NOM1: variants seen among roughly 807,000 people sequenced by gnomAD.
The protein encoded by NOM1 is nucleolar MIF4G domain-containing protein 1.
Under a neutral mutation model 73.3 loss-of-function variants are expected in NOM1, and 58 were observed. The observed-to-expected ratio is 0.79, with a 90% CI of 0.64 to 0.99. The LOEUF (loss-of-function observed/expected upper bound fraction) is 0.99, where lower values mean the gene tolerates loss of function less well. Among genes scored for constraint, NOM1 ranks in the 50% least tolerant of loss-of-function variants. The pLI is 0.00. For missense variants in NOM1, 1,226 were observed against 1,131.9 expected (o/e 1.08, Z -1.19); for synonymous variants, 487 against 446.8 (o/e 1.09, Z -1.14).
chr7:156,967,172 T>C (rs1462550959), intron 9 of NOM1, 80 bp downstream of exon 9: 6 of 1,484,724 alleles, frequency 4.0e-6, no homozygotes, highest in Non-Finnish European at 5.5e-6. Context: ...CAGGTCCTGT[T>C]TTACCAGCGT....
rs368646416 is a variant in NOM1, at chr7:156,973,103, A to C, written c.*3400A>C. 2.6e-5 allele frequency: 4 copies of C among 151,964 alleles called. No homozygotes were observed. Among genetic ancestry groups the C allele is most frequent in the Admixed American group, 6.5e-5 (1 of 15,268 alleles). 9.4% of individuals were successfully genotyped at this position (151,964 alleles called of 1,614,324 possible). On this transcript the variant is annotated 3_prime_UTR_variant, in exon 11 of 11. Transcript: ENST00000275820. ...TGACTAAACAGCTGTCTTTCAGGGTATCATTTTTAAAGGTATAAGGAACAA... is the reference window on the plus strand; with the variant it reads ...TGACTAAACAGCTGTCTTTCAGGGTCTCATTTTTAAAGGTATAAGGAACAA...
chr7:156,960,699 T>C (rs1804843085), intron 4 of NOM1, among the ~76,000 whole-genome samples: 1 of 152,170 alleles, frequency 6.6e-6, no homozygotes, highest in East Asian at 1.9e-4. Flanking sequence ...CCTTGTTAAT[T>C]ACTGCAGGGA....
chr7:156,961,720 C>G (rs1804867428), intron 4 of NOM1, among the ~76,000 whole-genome samples: 1 of 151,984 alleles, frequency 6.6e-6, no homozygotes, highest in South Asian at 2.1e-4. Context: ...GTTCTTGCAA[C>G]TTTTCTGTAT....
At chr7:156,969,397 G>A (rs1805084008) in intron 10 of NOM1, 132 bp from the exon 11 acceptor site, 2 of 825,784 alleles carry the variant, frequency 2.4e-6, no homozygotes, top group Non-Finnish European at 3.7e-6. Flanking sequence ...AATAAAATAT[G>A]TTAAGAAGTT....
chr7:156,950,520 G>A lies in NOM1; in HGVS notation c.783G>A (p.Glu261=). 2 of 1,614,082 alleles carry A rather than the reference G, an allele frequency of 1.2e-6. No homozygotes were observed. Among genetic ancestry groups the A allele is most frequent in the Non-Finnish European group, 1.7e-6 (2 of 1,179,968 alleles). The change falls in exon 1 of 11, where the codon GAG becomes GAA. Residue 261 remains glutamate, a synonymous_variant. Transcript: ENST00000275820. The stretch of plus-strand genomic sequence containing the variant: ...GTGACTCCCAGGACGAAAGTGAGGA[G>A]GAGGAGGAGGGAGACGTAGAAAAGG... ...LESDSQDESE[E]EEEGDVEKEK...
intron 1 of NOM1, 103 bp downstream of exon 1, chr7:156,950,827 A>G: frequency 9.7e-7 from 1 of 1,035,240 alleles, no homozygotes; most frequent in Non-Finnish European, 1.4e-6. Context: ...TGTCTTGATA[A>G]TGGTTTCAGC....
intron 7 of NOM1, 101 bp from the exon 8 acceptor site, chr7:156,966,169 A>G: frequency 6.6e-7 from 1 of 1,505,956 alleles, no homozygotes. Flanking sequence ...GCTCGCCTCT[A>G]ACCAGACCCT....
Position 156,949,966 on chromosome 7 carries a change from G to A in NOM1, c.229G>A (p.Gly77Arg). ...CGGCGCCCCGGTGAGCTTTCGCCCGGGAGGGAGAAAAAGCCGTAAGGAACT... is the reference window on the plus strand; with the variant it reads ...CGGCGCCCCGGTGAGCTTTCGCCCGAGAGGGAGAAAAAGCCGTAAGGAACT... ...GRGAPVSFRP[G>R]GRKSRKELRK... The change falls in exon 1 of 11, where the codon GGA (glycine) becomes AGA (arginine). Residue 77 changes from glycine (G) to arginine (R), a missense_variant. Physicochemically the swap from Gly to Arg is moderately radical, Grantham distance 125. Coordinates refer to ENST00000275820, the MANE Select transcript of NOM1 (RefSeq NM_138400.2). 1.3e-6 allele frequency: 2 copies of A among 1,541,024 alleles called. No homozygotes were observed. The highest frequency in any genetic ancestry group is 1.2e-5 in the South Asian group (1 of 84,052).
intron 6 of NOM1, chr7:156,963,657 C>T (rs1329658663): frequency 1.7e-5 from 7 of 410,844 alleles, no homozygotes; most frequent in East Asian, 4.1e-5. Context: ...TTTTATTCAT[C>T]GTCGCTTGCC....
At chr7:156,956,216 A>T (rs1833140) in intron 3 of NOM1, among the ~76,000 whole-genome samples, 78,714 of 150,280 alleles carry the variant, frequency 0.52, 20,840 homozygotes, top group Middle Eastern at 0.67. Flanking sequence ...AGATGCACGG[A>T]TTTGCCAAAA....
intron 3 of NOM1, among the ~76,000 whole-genome samples, chr7:156,956,192 C>CAAA (rs35181749): frequency 7.2e-6 from 1 of 139,522 alleles, no homozygotes; most frequent in Non-Finnish European, 1.6e-5. Flanking sequence ...GACTCAGTCT[C>CAAA]AAAAAAAAAA....
At chr7:156,965,884 A>T (rs1179590324) in intron 7 of NOM1, among the ~76,000 whole-genome samples, 2 of 150,802 alleles carry the variant, frequency 1.3e-5, no homozygotes, top group Non-Finnish European at 2.9e-5. Context: ...ACTGCACTCC[A>T]GCCTGGGTGA....
chr7:156,971,344 C>T lies in NOM1; in HGVS notation c.*1641C>T, dbSNP rs1343321728. On this transcript the variant is annotated 3_prime_UTR_variant, in exon 11 of 11. Transcript: ENST00000275820. ...AGATGGGCACAGGTGCTGGTGATGCCTCTCCTGGGCAAAACGCCCCATTTG... is the reference window on the plus strand; with the variant it reads ...AGATGGGCACAGGTGCTGGTGATGCTTCTCCTGGGCAAAACGCCCCATTTG... The T allele has an allele frequency of 6.6e-6, 1 of 152,258 alleles. No homozygotes were observed. The highest frequency in any genetic ancestry group is 2.4e-5 in the African/African-American group (1 of 41,450). The allele number at this position is 152,258 out of a possible 1,614,324, so 9.4% of individuals were successfully genotyped here.
Position 156,964,033 on chromosome 7 carries a change from A to G in NOM1, c.2033+7A>G, listed in dbSNP as rs748091585. 3 of 1,611,112 alleles carry G rather than the reference A, an allele frequency of 1.9e-6. No individual in the cohort carries two copies. Among genetic ancestry groups the G allele is most frequent in the Admixed American group, 3.4e-5 (2 of 59,268 alleles). On this transcript the variant is annotated splice_region_variant and intron_variant, in intron 7 of 10. Transcript: ENST00000275820. ...CTTTTGAAAAGCTTCTGAAGTAAGC[A>G]TTTGTGTGCACATTTTGACCTATTA...
At position 156,959,836 on chromosome 7, in the gene NOM1, G is replaced by A. The variant is rs779505638; in HGVS notation, c.1309-15G>A. Reference sequence around the variant, plus strand: ...CTAGGAATAACATAATCTTTTTTCTGTGTGGTTCTTTCAGGTCGGTGCCCA... The same window carrying A: ...CTAGGAATAACATAATCTTTTTTCTATGTGGTTCTTTCAGGTCGGTGCCCA... On this transcript the variant is annotated splice_polypyrimidine_tract_variant and intron_variant, in intron 3 of 10. Coordinates refer to ENST00000275820, the MANE Select transcript of NOM1 (RefSeq NM_138400.2). 2 of 1,609,834 alleles carry A rather than the reference G, an allele frequency of 1.2e-6. No individual in the cohort carries two copies. Among genetic ancestry groups the A allele is most frequent in the Non-Finnish European group, 1.7e-6 (2 of 1,177,930 alleles).
Position 156,971,807 on chromosome 7 carries a change from C to T in NOM1, c.*2104C>T, listed in dbSNP as rs1805146928. The stretch of plus-strand genomic sequence containing the variant: ...ACTGAAAGCAGCACAGAGACTGTGT[C>T]GTCCCTACAGACTTCTAACCCTGCA... On this transcript the variant is annotated 3_prime_UTR_variant, in exon 11 of 11. Coordinates refer to ENST00000275820, the MANE Select transcript of NOM1 (RefSeq NM_138400.2). The T allele has an allele frequency of 1.3e-5, 2 of 152,254 alleles. No homozygotes were observed. The highest frequency in any genetic ancestry group is 4.1e-4 in the South Asian group (2 of 4,832). The allele number at this position is 152,254 out of a possible 1,614,324, so 9.4% of individuals were successfully genotyped here. A position where few individuals can be genotyped will look rare whatever the true frequency, so the allele number is the denominator to read the frequency against.
Position 156,973,030 on chromosome 7 carries a change from G to A in NOM1, c.*3327G>A, listed in dbSNP as rs918908320. 6.6e-6 allele frequency: 1 copy of A among 152,174 alleles called. No homozygotes were observed. The highest frequency in any genetic ancestry group is 1.5e-5 in the Non-Finnish European group (1 of 68,026). The allele number at this position is 152,174 out of a possible 1,614,324, so 9.4% of individuals were successfully genotyped here. On this transcript the variant is annotated 3_prime_UTR_variant, in exon 11 of 11. Coordinates refer to ENST00000275820, the MANE Select transcript of NOM1 (RefSeq NM_138400.2). ...ATGCTTAGTGCTCAGTGTTATGTAT[G>A]AACTTGTGGACTTTACAATGCAGGT... is the stretch of plus-strand genomic sequence containing the variant.
chr7:156,952,660 G>A, intron 2 of NOM1, 62 bp downstream of exon 2: 1 of 1,548,682 alleles, frequency 6.5e-7, no homozygotes, highest in East Asian at 2.3e-5. Flanking sequence ...CTAAAATGTA[G>A]GAATTATCCC....
In NOM1 at chr7:156,950,212, A is replaced by G. The variant is rs1239263338; in HGVS notation, c.475A>G (p.Lys159Glu). ...GGCCAAGGCCACGGCCGCCACCGCA[A>G]AGACCAGACCCTCCGCAGCCGCCAC... ...VKAKATAATAKTRPSAAATAA... is the reference protein window; with the variant it reads ...VKAKATAATAETRPSAAATAA... Residue 159 changes from lysine (K) to glutamate (E), a missense_variant, in exon 1 of 11, where the codon AAG (lysine) becomes GAG (glutamate). Physicochemically the swap from Lys to Glu is moderately conservative, Grantham distance 56. Coordinates refer to ENST00000275820, the MANE Select transcript of NOM1 (RefSeq NM_138400.2). 6.2e-7 allele frequency: 1 copy of G among 1,611,226 alleles called. No homozygotes were observed. The highest frequency in any genetic ancestry group is 1.3e-5 in the African/African-American group (1 of 74,936).
Sources: gnomAD v4.1 joint callset for allele counts (sites outside exome capture counted in the v4.1 genomes callset) on GRCh38, gnomAD v4.1.1 for gene constraint, MANE v1.5 for transcripts, NCBI Gene and HGNC (gene_info 2026-07-23, HGNC 2026-07-21) for gene names.